The following ATP2A3 variants were observed in gnomAD, a reference collection of about 807,000 sequenced individuals.
ATP2A3 encodes sarcoplasmic/endoplasmic reticulum calcium ATPase 3.
In ATP2A3, 61 loss-of-function variants were observed where a neutral mutation model predicts 106.8. The ratio of observed to expected loss-of-function variants is 0.57; its 90% CI spans 0.46 to 0.71. The LOEUF (loss-of-function observed/expected upper bound fraction) is 0.71. Ranked by LOEUF, ATP2A3 falls within the 30% of genes least tolerant of loss-of-function variation. ATP2A3 has a pLI of 0.00. For synonymous variants in ATP2A3, 611 were observed against 609.3 expected, an observed-to-expected ratio of 1.00 and a Z score of -0.04; for missense variants, 1,201 against 1,423.5, an observed-to-expected ratio of 0.84 and a Z score of 2.52.
chr17:3,935,516 G>A (rs545584985), intron 16 of ATP2A3, among the ~76,000 whole-genome samples: 2 of 150,670 alleles, frequency 1.3e-5, no homozygotes, highest in South Asian at 4.2e-4. Context: ...GTGGGCCAAT[G>A]AGAACAGGCC....
Position 3,955,894 on chromosome 17 carries a change from T to A in ATP2A3, c.119-2184A>T, listed in dbSNP as rs1275494051. Among the ~76,000 whole-genome samples, 1 of 151,742 alleles carries A rather than the reference T, an allele frequency of 6.6e-6. No individual in the cohort carries two copies. Among genetic ancestry groups the A allele is most frequent in the African/African-American group, 2.4e-5 (1 of 41,324 alleles). ...CTTATTTTATTTTATTTTATTTTTT[T>A]TTTTTGAGATGGAGTCTTGCTCTCT... On this transcript the variant is annotated intron_variant, in intron 1 of 20. Transcript: ENST00000397041. This position sits in a 1 kb window ranked among gnomAD's most constrained non-coding sequence, Gnocchi z 4.2.
At chr17:3,941,757 C>T in intron 12 of ATP2A3, 103 bp from the exon 13 acceptor site, 2 of 1,242,768 alleles carry the variant, frequency 1.6e-6, no homozygotes, top group African/African-American at 1.5e-5. Flanking sequence ...GGGCAAAGGC[C>T]ACCCAAGGGT....
At position 3,955,492 on chromosome 17, in the gene ATP2A3, C is replaced by T. The variant is rs1567722105; in HGVS notation, c.119-1782G>A. 6.6e-6 allele frequency among the ~76,000 whole-genome samples: 1 copy of T among 152,296 alleles called. No homozygotes were observed. Among genetic ancestry groups the T allele is most frequent in the South Asian group, 2.1e-4 (1 of 4,828 alleles). ...GGAAAATGTAATCTCCAGTGTCCTG[C>T]GTCGAGATTAAAATCAAACAGACTT... On this transcript the variant is annotated intron_variant, in intron 1 of 20. Transcript: ENST00000397041. The surrounding 1 kb of genome is among the most constrained non-coding windows in gnomAD (Gnocchi z 4.2).
rs1029998820 is a variant in ATP2A3, at chr17:3,937,150, G to A, written c.2321+266C>T. On this transcript the variant is annotated intron_variant, in intron 15 of 20. Transcript: ENST00000397041. The stretch of plus-strand genomic sequence containing the variant: ...CATCTTGCTAATCTGCAAGTGGGAA[G>A]TTCATGGCTGGAGGGCTGACAGGCG... The A allele has an allele frequency of 1.9e-5, 10 of 534,086 alleles. No individual in the cohort carries two copies. The East Asian group carries it at 3.3e-4, about 18-fold the overall frequency. 33.1% of individuals were successfully genotyped at this position (534,086 alleles called of 1,614,324 possible).
At chr17:3,942,140 C>A (rs1041989278) in intron 12 of ATP2A3, among the ~76,000 whole-genome samples, 2 of 152,094 alleles carry the variant, frequency 1.3e-5, no homozygotes, top group Admixed American at 6.5e-5. Context: ...CCTCAGTGGC[C>A]TCAGGTCTCA....
At chr17:3,957,135 T>C (rs542724782) in intron 1 of ATP2A3, among the ~76,000 whole-genome samples, 1 of 152,366 alleles carries the variant, frequency 6.6e-6, no homozygotes, top group Non-Finnish European at 1.5e-5. Context: ...CAGCAGCAGC[T>C]GGTGGTGTGC....
At chr17:3,937,077 T>G in intron 15 of ATP2A3, 1 of 400,330 alleles carries the variant, frequency 2.5e-6, no homozygotes. Flanking sequence ...CAAATACACA[T>G]TCGCACACGG....
chr17:3,944,867 C>T (rs2054005597), intron 9 of ATP2A3, 61 bp from the exon 10 acceptor site: 2 of 927,024 alleles, frequency 2.2e-6, no homozygotes, highest in Non-Finnish European at 3.1e-6. Context: ...GGGTCCGCCT[C>T]TTGGCCCCGC....
Position 3,925,462 on chromosome 17 carries a change from C to T in ATP2A3, c.2981-21G>A, listed in dbSNP as rs1294671469. The stretch of plus-strand genomic sequence containing the variant: ...TTCTTCTGGAAGAAAAACCCAAGAG[C>T]GCGTTAAGATGTATGTGTAAGGGCA... On this transcript the variant is annotated intron_variant, in intron 20 of 20. Transcript: ENST00000397041. The surrounding 1 kb of genome is among the most constrained non-coding windows in gnomAD (Gnocchi z 4.2). 9.9e-6 allele frequency: 16 copies of T among 1,610,406 alleles called. No individual in the cohort carries two copies. The highest frequency in any genetic ancestry group is 3.4e-5 in the Admixed American group (2 of 59,432).
chr17:3,948,505 C>T (rs1432544594), intron 7 of ATP2A3, among the ~76,000 whole-genome samples: 1 of 152,224 alleles, frequency 6.6e-6, no homozygotes, highest in African/African-American at 2.4e-5. Flanking sequence ...AACGTAGCTC[C>T]AGCCCCCAAC....
intron 10 of ATP2A3, 63 bp downstream of exon 10, chr17:3,944,640 TG>T (rs2053983052): frequency 1.3e-6 from 2 of 1,547,328 alleles, no homozygotes; most frequent in Admixed American, 1.8e-5. Flanking sequence ...GCTTTGAGGC[TG>T]GGAAAAGGGT....
intron 14 of ATP2A3, among the ~76,000 whole-genome samples, chr17:3,939,827 C>A (rs1045314761): frequency 7.6e-6 from 1 of 130,736 alleles, no homozygotes; most frequent in African/African-American, 2.9e-5. Context: ...TAATCTGATA[C>A]GACAAGGCAG....
At position 3,925,288 on chromosome 17, in the gene ATP2A3, C is replaced by T. The variant is rs1179838580; in HGVS notation, c.*134G>A. 1.7e-5 allele frequency: 26 copies of T among 1,499,426 alleles called. No homozygotes were observed. Among genetic ancestry groups the T allele is most frequent in the South Asian group, 6.9e-5 (6 of 86,462 alleles). 92.9% of individuals were successfully genotyped at this position (1,499,426 alleles called of 1,614,324 possible). On this transcript the variant is annotated 3_prime_UTR_variant, in exon 21 of 21. Transcript: ENST00000397041. The surrounding 1 kb of genome is among the most constrained non-coding windows in gnomAD (Gnocchi z 4.2). ...GGCCCGGGGATGGCCATTCTGACCT[C>T]GGGCCTGTCATTTATCCGGCGGGAC...
intron 8 of ATP2A3, among the ~76,000 whole-genome samples, chr17:3,946,349 A>T (rs542408833): frequency 1.3e-5 from 2 of 151,726 alleles, no homozygotes; most frequent in Admixed American, 6.6e-5. Flanking sequence ...GTCAGGAGTT[A>T]TAGACCAGCC....
In ATP2A3 at chr17:3,947,348, C is replaced by T; in HGVS notation, c.1095+43G>A. 2 of 1,603,602 alleles carry T rather than the reference C, an allele frequency of 1.2e-6. No individual in the cohort carries two copies. The highest frequency in any genetic ancestry group is 1.7e-6 in the Non-Finnish European group (2 of 1,171,504). ...GAGAGACCCAGAGAGGGAGCCCAGC[C>T]TGCTCTGCAACGCACAGCAACACCA... On this transcript the variant is annotated intron_variant, in intron 8 of 20. Transcript: ENST00000397041. The surrounding 1 kb of genome is among the most constrained non-coding windows in gnomAD (Gnocchi z 7.7).
At chr17:3,954,185 C>G (rs1037497958) in intron 1 of ATP2A3, among the ~76,000 whole-genome samples, 1 of 152,152 alleles carries the variant, frequency 6.6e-6, no homozygotes, top group African/African-American at 2.4e-5. Context: ...AAATGGAGAA[C>G]ACCAGCTCAG....
chr17:3,924,696 A>G lies in ATP2A3; in HGVS notation c.*726T>C. 3 of 455,140 alleles carry G rather than the reference A, an allele frequency of 6.6e-6. No homozygotes were observed. Among genetic ancestry groups the G allele is most frequent in the Non-Finnish European group, 1.3e-5 (3 of 226,408 alleles). The allele number at this position is 455,140 out of a possible 1,614,324, so 28.2% of individuals were successfully genotyped here. On this transcript the variant is annotated 3_prime_UTR_variant, in exon 21 of 21. Transcript: ENST00000397041. This position sits in a 1 kb window ranked among gnomAD's most constrained non-coding sequence, Gnocchi z 6.4. The stretch of plus-strand genomic sequence containing the variant: ...TCCAGGAGGCGCGCGGGGCTGAGGC[A>G]GTCCAGCCAGGCTTTCCCGACTTGT...
At chr17:3,952,229 C>T (rs1463841694) in intron 3 of ATP2A3, among the ~76,000 whole-genome samples, 5 of 152,128 alleles carry the variant, frequency 3.3e-5, no homozygotes, top group Admixed American at 2.0e-4. Flanking sequence ...GGATTACAGG[C>T]GTGCACCACC....
chr17:3,955,934 C>T lies in ATP2A3; in HGVS notation c.119-2224G>A, dbSNP rs893008847. ...TCTTGCTCTCTCGCCCAGGCTGGAG[C>T]GCAGTGGCGGGATCTTGGCTTACTG... On this transcript the variant is annotated intron_variant, in intron 1 of 20. Transcript: ENST00000397041. The surrounding 1 kb of genome is among the most constrained non-coding windows in gnomAD (Gnocchi z 4.2). Among the ~76,000 whole-genome samples, 5 of 151,210 alleles carry T rather than the reference C, an allele frequency of 3.3e-5. No individual in the cohort carries two copies. Among genetic ancestry groups the T allele is most frequent in the African/African-American group, 4.9e-5 (2 of 41,092 alleles).
Sources: gnomAD v4.1 joint callset for allele counts (sites outside exome capture counted in the v4.1 genomes callset) on GRCh38, gnomAD v4.1.1 for gene constraint, Gnocchi (gnomAD v3.1) non-coding constraint, MANE v1.5 for transcripts, NCBI Gene and HGNC (gene_info 2026-07-23, HGNC 2026-07-21) for gene names.